The following FRAS1 variants were observed in gnomAD, a reference collection of about 807,000 sequenced individuals.
The protein encoded by FRAS1 is Fraser extracellular matrix complex subunit 1.
FRAS1 carries 290 observed loss-of-function variants against 435.2 expected under a neutral mutation model. The observed-to-expected ratio is 0.67, with a 90% CI of 0.61 to 0.73. FRAS1 has a LOEUF of 0.73. Among genes scored for constraint, FRAS1 ranks in the 30% least tolerant of loss-of-function variants. FRAS1 has a pLI of 0.00. For synonymous variants in FRAS1, 1,800 were observed against 1,851.0 expected (o/e 0.97, Z 0.71); for missense variants, 4,860 against 5,001.5 (o/e 0.97, Z 0.85).
At chr4:78,209,611 T>C (rs1723418906) in intron 2 of FRAS1, among the ~76,000 whole-genome samples, 1 of 152,184 alleles carries the variant, frequency 6.6e-6, no homozygotes, top group African/African-American at 2.4e-5. Context: ...TCTTATACTT[T>C]CCTTGGGTCC....
chr4:78,397,238 T>C (rs1732707704), intron 29 of FRAS1, among the ~76,000 whole-genome samples: 1 of 152,246 alleles, frequency 6.6e-6, no homozygotes, highest in Admixed American at 6.5e-5. Context: ...CTGAAGGCTT[T>C]CTGAAACTTT....
At position 78,057,934 on chromosome 4, in the gene FRAS1, C is replaced by G; in HGVS notation, c.-76C>G. The G allele has an allele frequency of 6.9e-7, 1 of 1,440,818 alleles. No individual in the cohort carries two copies. The highest frequency in any genetic ancestry group is 1.2e-5 in the South Asian group (1 of 85,338). The allele number at this position is 1,440,818 out of a possible 1,614,324, so 89.3% of individuals were successfully genotyped here. ...TTCAGTGCGCCCGGGTTCCAAGCGC[C>G]GGAGCCAGCGTTTTGGCGGAGCCGC... On this transcript the variant is annotated 5_prime_UTR_variant, in exon 1 of 74. Transcript: ENST00000512123. The surrounding 1 kb of genome is among the most constrained non-coding windows in gnomAD (Gnocchi z 4.2).
intron 18 of FRAS1, among the ~76,000 whole-genome samples, chr4:78,328,264 TA>T (rs1262272350): frequency 5.3e-5 from 8 of 152,260 alleles, no homozygotes; most frequent in African/African-American, 1.9e-4. Context: ...CATAATGCAC[TA>T]ATTAATCTTT....
At chr4:78,509,711 C>G (rs1720971424) in intron 63 of FRAS1, among the ~76,000 whole-genome samples, 1 of 152,230 alleles carries the variant, frequency 6.6e-6, no homozygotes, top group African/African-American at 2.4e-5. Flanking sequence ...CCTTAACAAA[C>G]AGCCCACCAC....
At position 78,374,264 on chromosome 4, in the gene FRAS1, C is replaced by CTG. The variant is rs398092530; in HGVS notation, c.3151+14_3151+15dup. On this transcript the variant is annotated intron_variant, in intron 25 of 73. Transcript: ENST00000512123. ...CACAAATGCACAGGTAACTTGGAGACTGCTGATTATTCTGGAAAGAAGTGA... is the reference window on the plus strand; with the variant it reads ...CACAAATGCACAGGTAACTTGGAGACTGTGCTGATTATTCTGGAAAGAAGTGA... 0.36 allele frequency: 562,783 copies of CTG among 1,561,108 alleles called. 103,737 individuals carry two copies. Among genetic ancestry groups the CTG allele is most frequent in the African/African-American group, 0.47 (34,667 of 74,082 alleles).
chr4:78,327,977 T>C (rs1247904726), intron 18 of FRAS1, among the ~76,000 whole-genome samples: 3 of 152,220 alleles, frequency 2.0e-5, no homozygotes, highest in African/African-American at 7.2e-5. Flanking sequence ...TTCTTTTCCC[T>C]CTGTACCCAC....
At chr4:78,457,337 G>T (rs1269385404) in intron 47 of FRAS1, among the ~76,000 whole-genome samples, 1 of 152,128 alleles carries the variant, frequency 6.6e-6, no homozygotes, top group Non-Finnish European at 1.5e-5. Context: ...AGTGGCAGGG[G>T]GTACCAGAGG....
At chr4:78,527,038 A>G (rs745336961) in intron 70 of FRAS1, among the ~76,000 whole-genome samples, 5 of 152,220 alleles carry the variant, frequency 3.3e-5, no homozygotes, top group Non-Finnish European at 7.3e-5. Flanking sequence ...CCTTATGATA[A>G]CCATGAGTTC....
chr4:78,244,361 T>C (rs1306707827), intron 3 of FRAS1, among the ~76,000 whole-genome samples: 3 of 152,168 alleles, frequency 2.0e-5, no homozygotes, highest in Non-Finnish European at 4.4e-5. Flanking sequence ...TCCTGGCTAA[T>C]GTAGGATCTC....
chr4:78,376,704 AC>A (rs1161081247), intron 26 of FRAS1, among the ~76,000 whole-genome samples: 1 of 152,068 alleles, frequency 6.6e-6, no homozygotes, highest in African/African-American at 2.4e-5. Context: ...AAAATATGTA[AC>A]ATCGGCCGGG....
chr4:78,194,954 T>G (rs1167891456), intron 2 of FRAS1, among the ~76,000 whole-genome samples: 2 of 152,230 alleles, frequency 1.3e-5, no homozygotes, highest in African/African-American at 4.8e-5. Flanking sequence ...GGTTTTCGTG[T>G]GGATGTCCTT....
chr4:78,188,746 A>G (rs776774575), intron 2 of FRAS1, among the ~76,000 whole-genome samples: 37 of 152,190 alleles, frequency 2.4e-4, no homozygotes, highest in Admixed American at 4.6e-4. Flanking sequence ...TCCAGATTTT[A>G]TATGGACTCT....
chr4:78,446,579 C>G, intron 42 of FRAS1, 148 bp from the exon 43 acceptor site: 2 of 1,393,320 alleles, frequency 1.4e-6, no homozygotes, highest in Non-Finnish European at 1.8e-6. Flanking sequence ...TTCAAACTAA[C>G]TATTTTGCTT....
chr4:78,265,938 A>G (rs1056836337), intron 7 of FRAS1, among the ~76,000 whole-genome samples: 1 of 152,212 alleles, frequency 6.6e-6, no homozygotes, highest in Non-Finnish European at 1.5e-5. Context: ...AAGGATTTTT[A>G]TATGTGCTAG....
chr4:78,122,980 A>T lies in FRAS1; in HGVS notation c.108+56964A>T, dbSNP rs569726940. On this transcript the variant is annotated intron_variant, in intron 2 of 73. Transcript: ENST00000512123. ...TGCTGCGAAGAAGCTCTTTAGTTTA[A>T]TTAGATCCCATTTGTCAATTTTGGC... Among the ~76,000 whole-genome samples the T allele has an allele frequency of 3.9e-5, 6 of 152,202 alleles. No individual in the cohort carries two copies. In the South Asian group the frequency reaches 1.0e-3, roughly 26 times the overall value.
At chr4:78,183,775 T>TGTG (rs55783941) in intron 2 of FRAS1, among the ~76,000 whole-genome samples, 4 of 150,594 alleles carry the variant, frequency 2.7e-5, no homozygotes, top group Non-Finnish European at 4.4e-5. Context: ...TGTGTGTGTG[T>TGTG]TTAAATATAT....
At chr4:78,091,756 C>T (rs1447084703) in intron 2 of FRAS1, among the ~76,000 whole-genome samples, 1 of 151,826 alleles carries the variant, frequency 6.6e-6, no homozygotes, top group African/African-American at 2.4e-5. Context: ...CTCCTGGATG[C>T]AAGTGATCTT....
At chr4:78,152,942 G>A (rs1720732859) in intron 2 of FRAS1, among the ~76,000 whole-genome samples, 1 of 152,094 alleles carries the variant, frequency 6.6e-6, no homozygotes, top group South Asian at 2.1e-4. Flanking sequence ...CTGCCTAAAT[G>A]TAGCACAGAG....
chr4:78,190,000 G>C (rs1006198632), intron 2 of FRAS1, among the ~76,000 whole-genome samples: 1 of 152,180 alleles, frequency 6.6e-6, no homozygotes, highest in Admixed American at 6.5e-5. Context: ...CATCTAACCT[G>C]GTTCTGTTGT....
Sources: allele counts gnomAD v4.1 joint callset (sites outside exome capture counted in the v4.1 genomes callset), GRCh38; gene constraint gnomAD v4.1.1; non-coding constraint Gnocchi (gnomAD v3.1); transcripts MANE v1.5; gene names NCBI Gene and HGNC (gene_info 2026-07-23, HGNC 2026-07-21).